Variants in GPRASP3 observed in about 807,000 individuals in gnomAD.
The protein encoded by GPRASP3 is G protein-coupled receptor associated sorting protein family member 3.
chrX:102,725,555 C>T, the GPRASP3 span, among the ~76,000 whole-genome samples: 3 of 99,773 alleles, frequency 3.0e-5, no homozygotes, highest in East Asian at 9.2e-4. Context: ...GAGACGGAGT[C>T]TCACTTCGTC....
chrX:102,725,869 A>G, the GPRASP3 span, among the ~76,000 whole-genome samples: 1 of 111,493 alleles, frequency 9.0e-6, no homozygotes, highest in African/African-American at 3.3e-5. Flanking sequence ...TATACCATGC[A>G]TCAGAGTCTT....
the GPRASP3 span, chrX:102,720,879 G>A: frequency 8.9e-6 from 1 of 112,072 alleles, no homozygotes; most frequent in African/African-American, 3.3e-5. Flanking sequence ...CAGGCGACTG[G>A]AACTACAGCA....
chrX:102,745,512 C>CA, the GPRASP3 span, among the ~76,000 whole-genome samples: 3 of 111,170 alleles, frequency 2.7e-5, no homozygotes, highest in African/African-American at 6.5e-5. Context: ...CCTAGAGGCC[C>CA]AGGCTTGTTT....
the GPRASP3 span, among the ~76,000 whole-genome samples, chrX:102,729,549 A>G: frequency 3.6e-5 from 4 of 112,411 alleles, no homozygotes; most frequent in Non-Finnish European, 7.5e-5. Context: ...TGAGAAGAAT[A>G]TTTAGGGAAA....
chrX:102,734,186 CG>C, the GPRASP3 span, among the ~76,000 whole-genome samples: 7 of 112,045 alleles, frequency 6.2e-5, no homozygotes, highest in African/African-American at 1.6e-4. Context: ...TGGATGTATA[CG>C]TGCAGGTCAC....
chrX:102,739,138 G>T, the GPRASP3 span, among the ~76,000 whole-genome samples: 1 of 111,587 alleles, frequency 9.0e-6, no homozygotes, highest in African/African-American at 3.3e-5. Flanking sequence ...GATTTGCCCA[G>T]CTTGAGTGTT....
the GPRASP3 span, among the ~76,000 whole-genome samples, chrX:102,737,024 T>C: frequency 8.9e-6 from 1 of 111,883 alleles, no homozygotes; most frequent in Non-Finnish European, 1.9e-5. Flanking sequence ...TCCCAAGCTG[T>C]TAGAAATTAT....
the GPRASP3 span, chrX:102,752,696 G>A: frequency 8.1e-6 from 1 of 123,152 alleles, no homozygotes; most frequent in Non-Finnish European, 1.9e-5. Context: ...AGTATACAGT[G>A]TGATCAGTTT....
the GPRASP3 span, among the ~76,000 whole-genome samples, chrX:102,723,647 TG>T: frequency 3.6e-5 from 4 of 111,532 alleles, no homozygotes; most frequent in Non-Finnish European, 7.5e-5. Flanking sequence ...CAAAAAATCT[TG>T]GAATTTCCTG....
At chrX:102,748,858 C>T in the GPRASP3 span, 2 of 619,073 alleles carry the variant, frequency 3.2e-6, no homozygotes, top group Non-Finnish European at 4.9e-6. Context: ...AACTTTGTGA[C>T]TGCAGAACTG....
At chrX:102,748,001 G>C in the GPRASP3 span, 1 of 112,117 alleles carries the variant, frequency 8.9e-6, no homozygotes, top group African/African-American at 3.2e-5. Context: ...TGGTGCCACT[G>C]TCTTCCATCT....
chrX:102,745,075 G>A, the GPRASP3 span, among the ~76,000 whole-genome samples: 1 of 111,362 alleles, frequency 9.0e-6, no homozygotes, highest in South Asian at 3.8e-4. Context: ...GAGTTGAGGA[G>A]CGCAGCTGGA....
At chrX:102,720,766 C>G in the GPRASP3 span, 1 of 112,181 alleles carries the variant, frequency 8.9e-6, no homozygotes, top group Admixed American at 9.4e-5. Flanking sequence ...ACCTGAGAGG[C>G]GGACGACACC....
the GPRASP3 span, among the ~76,000 whole-genome samples, chrX:102,727,226 C>T: frequency 2.7e-5 from 3 of 112,662 alleles, no homozygotes; most frequent in African/African-American, 3.2e-5. Context: ...AGCTTTTTTC[C>T]GTCTCTTTCT....
the GPRASP3 span, among the ~76,000 whole-genome samples, chrX:102,735,875 G>C: frequency 6.2e-5 from 7 of 112,141 alleles, no homozygotes; most frequent in Non-Finnish European, 1.3e-4. Context: ...TACTTTCCTT[G>C]CACACCTTGC....
chrX:102,726,571 G>C, the GPRASP3 span, among the ~76,000 whole-genome samples: 1 of 111,101 alleles, frequency 9.0e-6, no homozygotes, highest in Non-Finnish European at 1.9e-5. Flanking sequence ...TGGCTCCACT[G>C]TCCTGGAGAA....
At chrX:102,748,746 A>G in the GPRASP3 span, 3 of 291,024 alleles carry the variant, frequency 1.0e-5, no homozygotes, top group Admixed American at 5.4e-5. Flanking sequence ...TTGGAAGACC[A>G]TCACCTTCAG....
chrX:102,742,662 A>G, the GPRASP3 span, among the ~76,000 whole-genome samples: 1 of 111,884 alleles, frequency 8.9e-6, no homozygotes, highest in Non-Finnish European at 1.9e-5. Context: ...AAGTTGTCCT[A>G]TTGGTTTGAG....
the GPRASP3 span, among the ~76,000 whole-genome samples, chrX:102,735,155 A>G: frequency 3.6e-5 from 4 of 112,035 alleles, no homozygotes; most frequent in African/African-American, 1.3e-4. Flanking sequence ...AGAAAGCTAA[A>G]TTTCACCTTT....
Sources: allele counts gnomAD v4.1 joint callset (sites outside exome capture counted in the v4.1 genomes callset), GRCh38; gene constraint gnomAD v4.1.1; transcripts MANE v1.5; gene names NCBI Gene and HGNC (gene_info 2026-07-23, HGNC 2026-07-21).